CAST: variants seen among roughly 807,000 people sequenced by gnomAD.
CAST encodes the protein MIR583 host.
CAST carries 76 observed loss-of-function variants against 119.6 expected under a neutral mutation model. That is an observed-to-expected ratio of 0.64 (90% CI 0.53 to 0.77). The LOEUF (loss-of-function observed/expected upper bound fraction) is 0.77. CAST is among the 30% of genes least tolerant of loss of function. The probability of loss-of-function intolerance (pLI) is 0.00; values close to 1 mark genes in which losing one functional copy is unlikely to be tolerated. For missense variants in CAST, 953 were observed against 946.5 expected, an observed-to-expected ratio of 1.01 and a Z score of -0.09; for synonymous variants, 319 against 331.6, an observed-to-expected ratio of 0.96 and a Z score of 0.41.
the CAST span, chr5:96,412,450 C>T: frequency 6.2e-7 from 1 of 1,613,842 alleles, no homozygotes; most frequent in Non-Finnish European, 8.5e-7. Flanking sequence ...TTGAACTGGC[C>T]TCAATAGCAT....
chr5:96,526,661 A>G (rs531034677), upstream of CAST, among the ~76,000 whole-genome samples: 1 of 152,188 alleles, frequency 6.6e-6, no homozygotes, highest in Non-Finnish European at 1.5e-5. Flanking sequence ...TTGCTGCCCT[A>G]TTGCCATTAA....
At chr5:96,550,119 C>A (rs927231586) in intron 1 of CAST, among the ~76,000 whole-genome samples, 2 of 152,230 alleles carry the variant, frequency 1.3e-5, no homozygotes, top group Non-Finnish European at 2.9e-5. Flanking sequence ...GGGTCCCTGA[C>A]CCCCGTGTAG....
At chr5:95,981,240 A>G in the CAST span, among the ~76,000 whole-genome samples, 1 of 152,198 alleles carries the variant, frequency 6.6e-6, no homozygotes, top group East Asian at 1.9e-4. Context: ...AAGAATTTCA[A>G]GGTAGAATAT....
chr5:96,690,008 A>G (rs1181421825), intron 2 of CAST, among the ~76,000 whole-genome samples: 4 of 152,158 alleles, frequency 2.6e-5, no homozygotes, highest in Non-Finnish European at 4.4e-5. Context: ...GCAGAGCCCT[A>G]GAATAGTAGC....
the CAST span, among the ~76,000 whole-genome samples, chr5:96,238,347 A>C: frequency 8.3e-6 from 1 of 120,874 alleles, no homozygotes; most frequent in South Asian, 3.1e-4. Context: ...CTTCTTCTTC[A>C]TCTTCATCTT....
the CAST span, among the ~76,000 whole-genome samples, chr5:96,411,410 A>C: frequency 2.0e-5 from 3 of 152,386 alleles, no homozygotes; most frequent in Non-Finnish European, 4.4e-5. Context: ...TTGCAGCTGC[A>C]TTAAAAGGGA....
the CAST span, among the ~76,000 whole-genome samples, chr5:96,093,999 TAC>T: frequency 6.6e-6 from 1 of 151,712 alleles, no homozygotes; most frequent in Admixed American, 6.6e-5. Flanking sequence ...TGTTTCAGAT[TAC>T]AGAGCCCTTG....
chr5:96,486,923 A>C, the CAST span, among the ~76,000 whole-genome samples: 1 of 151,768 alleles, frequency 6.6e-6, no homozygotes, highest in South Asian at 2.1e-4. Context: ...AATCTAAGAA[A>C]AAAAGCCAAT....
chr5:96,461,719 T>TGC, the CAST span, among the ~76,000 whole-genome samples: 3 of 152,262 alleles, frequency 2.0e-5, no homozygotes, highest in East Asian at 5.8e-4. Flanking sequence ...TACCTTAACT[T>TGC]GAGGATAGTT....
At chr5:95,964,807 C>T in the CAST span, among the ~76,000 whole-genome samples, 2,405 of 151,832 alleles carry the variant, frequency 0.016, 54 homozygotes, top group African/African-American at 0.056. Flanking sequence ...TCCTTATATA[C>T]ACTGAGTAGC....
intron 24 of CAST, chr5:96,761,432 T>C (rs894302879): frequency 9.9e-5 from 15 of 152,190 alleles, no homozygotes; most frequent in Admixed American, 7.9e-4. Flanking sequence ...CTTATAGTTA[T>C]CTAAATTAGT....
the CAST span, among the ~76,000 whole-genome samples, chr5:96,145,425 C>A: frequency 6.6e-6 from 1 of 152,138 alleles, no homozygotes; most frequent in Non-Finnish European, 1.5e-5. Flanking sequence ...TTCGCCTTAA[C>A]AGTTATGGAT....
the CAST span, among the ~76,000 whole-genome samples, chr5:96,013,458 T>G: frequency 1.3e-5 from 2 of 152,112 alleles, no homozygotes; most frequent in African/African-American, 2.4e-5. Flanking sequence ...TACTCCATTA[T>G]ATATCATAAT....
At chr5:96,290,715 A>T in the CAST span, among the ~76,000 whole-genome samples, 1 of 152,204 alleles carries the variant, frequency 6.6e-6, no homozygotes, top group African/African-American at 2.4e-5. Context: ...GACAGGAATG[A>T]CATTTAATTA....
the CAST span, among the ~76,000 whole-genome samples, chr5:96,426,851 A>T: frequency 6.6e-6 from 1 of 152,222 alleles, no homozygotes; most frequent in African/African-American, 2.4e-5. Context: ...GGATAAAACC[A>T]TCCACTAAGA....
At chr5:96,684,689 A>G (rs1751851216) in intron 2 of CAST, among the ~76,000 whole-genome samples, 2 of 151,976 alleles carry the variant, frequency 1.3e-5, no homozygotes, top group Admixed American at 1.3e-4. Flanking sequence ...TAGCCTCCCA[A>G]GTAGCTGGGA....
At chr5:96,247,146 C>T in the CAST span, among the ~76,000 whole-genome samples, 1 of 152,180 alleles carries the variant, frequency 6.6e-6, no homozygotes, top group Non-Finnish European at 1.5e-5. Flanking sequence ...GCCAGCTGTC[C>T]CGTAGCACTG....
the CAST span, among the ~76,000 whole-genome samples, chr5:96,025,604 TG>T: frequency 6.6e-6 from 1 of 152,202 alleles, no homozygotes; most frequent in South Asian, 2.1e-4. Flanking sequence ...GACATGGTCA[TG>T]TCAGTTGCTT....
At chr5:96,107,740 CTCTGTATT>C in the CAST span, among the ~76,000 whole-genome samples, 13 of 152,194 alleles carry the variant, frequency 8.5e-5, no homozygotes, top group African/African-American at 2.9e-4. Context: ...TTGTGGCGTT[CTCTGTATT>C]TCCTGAATCT....
Sources: gnomAD v4.1 joint callset for allele counts (sites outside exome capture counted in the v4.1 genomes callset) on GRCh38, gnomAD v4.1.1 for gene constraint, MANE v1.5 for transcripts, NCBI Gene and HGNC (gene_info 2026-07-23, HGNC 2026-07-21) for gene names.